BDP1: variants seen among roughly 807,000 people sequenced by gnomAD.
BDP1 encodes transcription factor TFIIIB component B'' homolog.
Under a neutral mutation model 266.6 loss-of-function variants are expected in BDP1, and 169 were observed. The observed-to-expected ratio is 0.63, with a 90% CI of 0.56 to 0.72. The LOEUF (loss-of-function observed/expected upper bound fraction) is 0.72, where lower values mean the gene tolerates loss of function less well. BDP1 is among the 30% of genes least tolerant of loss of function. BDP1 has a pLI of 0.00. For synonymous variants in BDP1, 1,090 were observed against 1,022.4 expected, an observed-to-expected ratio of 1.07 and a Z score of -1.26; for missense variants, 3,015 against 3,053.8, an observed-to-expected ratio of 0.99 and a Z score of 0.30.
chr5:71,564,813 T>A lies in BDP1; in HGVS notation c.7803T>A (p.Pro2601=), dbSNP rs1419961527. The part of the protein sequence containing the change: ...EGYKSAQKRA[P]QGEATTVSEY... ...ATAAAAGTGCCCAAAAGCGGGCCCCTCAAGGGGAGGCAACCACAGTCTCTG... is the reference window on the plus strand; with the variant it reads ...ATAAAAGTGCCCAAAAGCGGGCCCCACAAGGGGAGGCAACCACAGTCTCTG... The change falls in exon 39 of 39, where the codon CCT becomes CCA. Residue 2601 remains proline (P), a synonymous_variant. Transcript: ENST00000358731. 2.5e-6 allele frequency: 4 copies of A among 1,611,760 alleles called. No individual in the cohort carries two copies. Among genetic ancestry groups the A allele is most frequent in the Non-Finnish European group, 3.4e-6 (4 of 1,179,756 alleles).
At position 71,495,800 on chromosome 5, in the gene BDP1, C is replaced by A. The variant is rs192833145; in HGVS notation, c.1799+392C>A. 2.5e-3 allele frequency among the ~76,000 whole-genome samples: 380 copies of A among 152,174 alleles called. 2 individuals carry two copies. The highest frequency in any genetic ancestry group is 8.2e-3 in the African/African-American group (340 of 41,512). On this transcript the variant is annotated intron_variant, in intron 12 of 38. Coordinates refer to ENST00000358731, the MANE Select transcript of BDP1 (RefSeq NM_018429.3). ...TGGTGATTTCAAGGAAGTATATCTT[C>A]CAGTATGCAGATACTGGTTAAATTA... is the stretch of plus-strand genomic sequence containing the variant.
At chr5:71,577,853 C>T in the BDP1 span, among the ~76,000 whole-genome samples, 9 of 152,108 alleles carry the variant, frequency 5.9e-5, no homozygotes, top group Non-Finnish European at 1.2e-4. Context: ...GACTGCCAAT[C>T]GGAGAATGAA....
Position 71,510,667 on chromosome 5 carries a change from C to G in BDP1, c.3575C>G (p.Ala1192Gly). ...GAGAAGACACGAGAGGTGATTGATG[C>G]TGCTGAGGTAATAGAGACAGATTTG... ...SREKTREVIDAAEVIETDLEE... is the reference protein window; with the variant it reads ...SREKTREVIDGAEVIETDLEE... Residue 1192 changes from alanine (A) to glycine (G), a missense_variant, in exon 17 of 39, where the codon GCT becomes GGT. Around this residue, in one of 3 missense-constraint regions of BDP1, gnomAD observed 2,383 missense variants for 2,404.9 expected, o/e 0.99. Transcript: ENST00000358731. 6.3e-7 allele frequency: 1 copy of G among 1,585,972 alleles called. No individual in the cohort carries two copies. The highest frequency in any genetic ancestry group is 8.6e-7 in the Non-Finnish European group (1 of 1,162,538).
chr5:71,514,327 C>T (rs2150485049), intron 19 of BDP1, among the ~76,000 whole-genome samples: 1 of 152,184 alleles, frequency 6.6e-6, no homozygotes, highest in Admixed American at 6.5e-5. Context: ...AGATAAGTTA[C>T]ATTTGTATTA....
chr5:71,513,440 G>GT (rs1282605440), intron 19 of BDP1, 33 bp downstream of exon 19: 16 of 1,258,644 alleles, frequency 1.3e-5, no homozygotes, highest in East Asian at 5.0e-5. Flanking sequence ...TTCTGTGTGG[G>GT]TGTTTTTTTT....
At position 71,504,668 on chromosome 5, in the gene BDP1, A is replaced by G. The variant is rs755859055; in HGVS notation, c.2289A>G (p.Glu763=). The G allele has an allele frequency of 1.2e-6, 2 of 1,613,618 alleles. No homozygotes were observed. Among genetic ancestry groups the G allele is most frequent in the Admixed American group, 3.3e-5 (2 of 60,000 alleles). Reference sequence around the variant, plus strand: ...AATCGCGTAAAGATTTTGAAGAGGAAGATGTCATATTACAGCCTGAGAAAA... The same window carrying G: ...AATCGCGTAAAGATTTTGAAGAGGAGGATGTCATATTACAGCCTGAGAAAA... ...EDQSRKDFEE[E]DVILQPEKND... is the part of the protein sequence containing the mutation. The change falls in exon 16 of 39, where the codon GAA becomes GAG. Residue 763 remains glutamate, a synonymous_variant. Transcript: ENST00000358731.
chr5:71,539,583 G>T lies in BDP1; in HGVS notation c.5956G>T (p.Ala1986Ser). ...TACCAATGATGGAAGCACCGAAGCT[G>T]CAATAACTTTACTTACAATGGGAGA... ...PGTNDGSTEA[A>S]ITLLTMGDLV... Residue 1986 changes from alanine to serine, a missense_variant, in exon 28 of 39, where the codon GCA (alanine) becomes TCA (serine). Physicochemically the swap from Ala to Ser is moderately conservative, Grantham distance 99 (BLOSUM62 1). Transcript: ENST00000358731. The T allele has an allele frequency of 6.2e-7, 1 of 1,610,874 alleles. No homozygotes were observed. The highest frequency in any genetic ancestry group is 8.5e-7 in the Non-Finnish European group (1 of 1,178,780).
intron 36 of BDP1, among the ~76,000 whole-genome samples, chr5:71,558,473 G>A (rs1743383619): frequency 6.6e-6 from 1 of 152,084 alleles, no homozygotes; most frequent in African/African-American, 2.4e-5. Flanking sequence ...AGCCAGCTGA[G>A]ATCACGCCAT....
At chr5:71,501,730 A>G (rs1764248772) in intron 14 of BDP1, 77 bp downstream of exon 14, 2 of 884,780 alleles carry the variant, frequency 2.3e-6, no homozygotes, top group Admixed American at 4.7e-5. Flanking sequence ...TTTGTTTTCT[A>G]CTTAATAAGG....
chr5:71,553,576 C>T (rs993634170), intron 35 of BDP1, among the ~76,000 whole-genome samples: 1 of 152,028 alleles, frequency 6.6e-6, no homozygotes, highest in African/African-American at 2.4e-5. Context: ...AAAAATAAGA[C>T]CAAAAGCATT....
At chr5:71,569,141 G>A (rs1385555955), downstream of BDP1, among the ~76,000 whole-genome samples, 1 of 152,190 alleles carries the variant, frequency 6.6e-6, no homozygotes, top group East Asian at 1.9e-4. Flanking sequence ...TTGCACATCA[G>A]ACTCACCTGG....
At position 71,529,047 on chromosome 5, in the gene BDP1, C is replaced by T. The variant is rs796578120; in HGVS notation, c.5773-3261C>T. Among the ~76,000 whole-genome samples the T allele has an allele frequency of 4.5e-4, 69 of 152,220 alleles. 1 individual carries two copies. The highest frequency in any genetic ancestry group is 1.6e-3 in the African/African-American group (68 of 41,536). ...TTTCCTTAGATTCTATTCCTTATGGCCAGCCTACTAAACAGGGAAATTCAT... is the reference window on the plus strand; with the variant it reads ...TTTCCTTAGATTCTATTCCTTATGGTCAGCCTACTAAACAGGGAAATTCAT... On this transcript the variant is annotated intron_variant, in intron 25 of 38. Transcript: ENST00000358731.
intron 37 of BDP1, 25 bp from the exon 38 acceptor site, chr5:71,562,249 A>G: frequency 1.4e-6 from 2 of 1,388,004 alleles, no homozygotes; most frequent in Admixed American, 2.2e-5. Flanking sequence ...GGTATTCTTG[A>G]ATATCGTTAC....
chr5:71,575,046 G>A, the BDP1 span, among the ~76,000 whole-genome samples: 2 of 152,200 alleles, frequency 1.3e-5, no homozygotes, highest in Non-Finnish European at 2.9e-5. Context: ...ATTTTACCTT[G>A]TCTTGGTCCG....
intron 32 of BDP1, among the ~76,000 whole-genome samples, chr5:71,546,953 C>T (rs976699529): frequency 6.6e-6 from 1 of 152,098 alleles, no homozygotes; most frequent in Non-Finnish European, 1.5e-5. Context: ...TCAAGTGATT[C>T]TTGTGCCTCA....
rs373898752 is a variant in BDP1, at chr5:71,501,809, T to C, written c.2048+156T>C. Among the ~76,000 whole-genome samples, 7 of 152,268 alleles carry C rather than the reference T, an allele frequency of 4.6e-5. No individual in the cohort carries two copies. The East Asian group carries it at 1.4e-3, about 29-fold the overall frequency. ...ACCATAGGTGGTTTTGAAACATTCA[T>C]AATACTCTCTCTGCTTGATATTGCT... On this transcript the variant is annotated intron_variant, in intron 14 of 38. Coordinates refer to ENST00000358731, the MANE Select transcript of BDP1 (RefSeq NM_018429.3).
At position 71,566,011 on chromosome 5, in the gene BDP1, CT is replaced by C. The variant is rs1248594884; in HGVS notation, c.*1131del. On this transcript the variant is annotated 3_prime_UTR_variant, in exon 39 of 39. Coordinates refer to ENST00000358731, the MANE Select transcript of BDP1 (RefSeq NM_018429.3). ...AAGGCATTAAATTTATGTTTGTCTC[CT>C]TTTTCTGTTTAATTTTAAAGATATT... 3.6e-5 allele frequency: 8 copies of C among 221,520 alleles called. No individual in the cohort carries two copies. The highest frequency in any genetic ancestry group is 5.0e-5 in the Non-Finnish European group (5 of 99,960). The allele number at this position is 221,520 out of a possible 1,614,324, so 13.7% of individuals were successfully genotyped here. A position where few individuals can be genotyped will look rare whatever the true frequency, so the allele number is the denominator to read the frequency against.
intron 7 of BDP1, among the ~76,000 whole-genome samples, chr5:71,474,427 A>T (rs1050842939): frequency 6.6e-6 from 1 of 151,754 alleles, no homozygotes; most frequent in East Asian, 1.9e-4. Context: ...GGCTCAAGCA[A>T]TCCCCTGCCT....
rs4365829 is a variant in BDP1 at position 71,562,941 on chromosome 5, T to G, written c.7743+421T>G. On this transcript the variant is annotated intron_variant, in intron 38 of 38. Coordinates refer to ENST00000358731, the MANE Select transcript of BDP1 (RefSeq NM_018429.3). ...CTCTGTAAACCTGTATCAAAGACTT[T>G]GTAAAAATATTGGGGTGACTTAAGA... The G allele has an allele frequency of 4.8e-4, 583 of 1,217,946 alleles. 2 individuals carry two copies. The African/African-American group carries it at 8.6e-3, about 18-fold the overall frequency. 75.4% of individuals were successfully genotyped at this position (1,217,946 alleles called of 1,614,324 possible).
Sources: gnomAD v4.1 joint callset for allele counts (sites outside exome capture counted in the v4.1 genomes callset) on GRCh38, gnomAD v4.1.1 for gene constraint, gnomAD v4.1.1 regional missense constraint, MANE v1.5 for transcripts, NCBI Gene and HGNC (gene_info 2026-07-23, HGNC 2026-07-21) for gene names.